The following FBXO11 variants were observed in gnomAD, a reference collection of about 807,000 sequenced individuals.
The protein encoded by FBXO11 is F-box only protein 11.
A neutral mutation model predicts 117.0 loss-of-function variants in FBXO11; 13 were observed. That is an observed-to-expected ratio of 0.11 (90% confidence interval 0.07 to 0.18). The LOEUF is 0.18. FBXO11 is among the 10% of genes least tolerant of loss of function. The pLI, the probability that FBXO11 is intolerant of heterozygous loss-of-function variation, is 1.00. For missense variants in FBXO11, 767 were observed against 1,164.4 expected, an observed-to-expected ratio of 0.66 and a Z score of 4.97; for synonymous variants, 490 against 380.5, an observed-to-expected ratio of 1.29 and a Z score of -3.35.
chr2:47,905,547 CGGA>C lies in FBXO11; in HGVS notation c.171_173del (p.Pro66del), dbSNP rs1212440450. On this transcript the variant is annotated inframe_deletion, in exon 1 of 23. Coordinates refer to ENST00000403359, the MANE Select transcript of FBXO11 (RefSeq NM_001190274.2). Reference sequence around the variant, plus strand: ...GCGGCGGAGGCGGCGGTGGCGGCGGCGGAGGCTGCTGCTGCTGCTGCTGCTGCG... The same window carrying C: ...GCGGCGGAGGCGGCGGTGGCGGCGGCGGCTGCTGCTGCTGCTGCTGCTGCG... The C allele has an allele frequency of 8.1e-7, 1 of 1,241,842 alleles. No individual in the cohort carries two copies. 76.9% of individuals were successfully genotyped at this position (1,241,842 alleles called of 1,614,324 possible). A position where few individuals can be genotyped will look rare whatever the true frequency, so the allele number is the denominator to read the frequency against.
At chr2:47,879,602 T>C (rs1262015845) in intron 1 of FBXO11, among the ~76,000 whole-genome samples, 1 of 152,226 alleles carries the variant, frequency 6.6e-6, no homozygotes, top group East Asian at 1.9e-4. Context: ...AAGATCTTTT[T>C]GTTATCAAGT....
At chr2:47,810,154 C>A in intron 19 of FBXO11, 162 bp downstream of exon 19, 1 of 560,356 alleles carries the variant, frequency 1.8e-6, no homozygotes. Context: ...TAGAAGAATC[C>A]AGAACTTGAT....
intron 1 of FBXO11, among the ~76,000 whole-genome samples, chr2:47,876,226 T>A (rs1351188586): frequency 6.6e-6 from 1 of 152,210 alleles, no homozygotes; most frequent in Non-Finnish European, 1.5e-5. Context: ...GCAAGAATAG[T>A]AGCATTCCTG....
rs903446296 is a variant in FBXO11 at position 47,807,072 on chromosome 2, A to C, written c.*1046T>G. The C allele has an allele frequency of 9.0e-6, 5 of 557,762 alleles. No individual in the cohort carries two copies. Among genetic ancestry groups the C allele is most frequent in the African/African-American group, 1.9e-5 (1 of 53,004 alleles). 34.6% of individuals were successfully genotyped at this position (557,762 alleles called of 1,614,324 possible). A position where few individuals can be genotyped will look rare whatever the true frequency, so the allele number is the denominator to read the frequency against. On this transcript the variant is annotated 3_prime_UTR_variant, in exon 23 of 23. Transcript: ENST00000403359. ...TCTAGATGTTATGGTACATGCATAC[A>C]CTTTCAGGCTGTTTTATACCCACTG...
At chr2:47,880,039 A>T (rs948230842) in intron 1 of FBXO11, among the ~76,000 whole-genome samples, 3 of 151,588 alleles carry the variant, frequency 2.0e-5, no homozygotes, top group African/African-American at 7.3e-5. Context: ...TCTGTCACCC[A>T]GGTTGGAGTG....
In FBXO11 at chr2:47,834,600, G is replaced by A. The variant is rs1672419815; in HGVS notation, c.913C>T (p.Pro305Ser). 1 of 1,581,858 alleles carries A rather than the reference G, an allele frequency of 6.3e-7. No homozygotes were observed. Among genetic ancestry groups the A allele is most frequent in the Admixed American group, 1.9e-5 (1 of 51,712 alleles). ...ATACCTGCACCAATCATGGTGATTG[G>A]AGATTCAATATATATCCATTCATCA... ...YTDEWIYIES[P>S]ITMIGAAPGK... Residue 305 changes from proline to serine, a missense_variant, in exon 7 of 23, where the codon CCA (proline) becomes TCA (serine). Pro to Ser is a moderately conservative substitution (Grantham distance 74). This residue lies in a region of FBXO11 where 123 missense variants were observed against 145.0 expected (regional missense o/e 0.85). Transcript: ENST00000403359.
At chr2:47,838,822 CA>C (rs1672794930) in intron 4 of FBXO11, 36 bp downstream of exon 4, 1 of 1,584,586 alleles carries the variant, frequency 6.3e-7, no homozygotes, top group Non-Finnish European at 8.6e-7. Context: ...CAACAAATAA[CA>C]TATCTCAAGT....
At position 47,852,891 on chromosome 2, in the gene FBXO11, G is replaced by A. The variant is rs754572453; in HGVS notation, c.233-13122C>T. Among the ~76,000 whole-genome samples the A allele has an allele frequency of 8.5e-5, 13 of 152,236 alleles. No homozygotes were observed. In the East Asian group the frequency reaches 2.3e-3, roughly 27 times the overall value. On this transcript the variant is annotated intron_variant, in intron 1 of 22. Transcript: ENST00000403359. The stretch of plus-strand genomic sequence containing the variant: ...TAGGCAACTCACACTAGGTCACACA[G>A]TATTAAGCAGCAGAGGCAGAATTTT...
In FBXO11 at chr2:47,835,944, A is replaced by G; in HGVS notation, c.645T>C (p.Pro215=). ...EYTRPMMHPE[P]GKFYQINPEE... ...CTGGATTAATCTGGTAGAATTTTCC[A>G]GGTTCAGGATGCATCATAGGGCGAG... The change falls in exon 5 of 23, where the codon CCT becomes CCC. Residue 215 remains proline, a synonymous_variant. Transcript: ENST00000403359. 1.2e-6 allele frequency: 2 copies of G among 1,611,966 alleles called. No homozygotes were observed. The highest frequency in any genetic ancestry group is 1.7e-6 in the Non-Finnish European group (2 of 1,178,220).
chr2:47,864,270 C>T (rs1340718197), intron 1 of FBXO11, among the ~76,000 whole-genome samples: 1 of 152,102 alleles, frequency 6.6e-6, no homozygotes, highest in East Asian at 1.9e-4. Flanking sequence ...GAGACAGAAA[C>T]TACCTTTGAA....
At chr2:47,857,577 T>TG (rs926129693) in intron 1 of FBXO11, among the ~76,000 whole-genome samples, 2 of 152,010 alleles carry the variant, frequency 1.3e-5, no homozygotes, top group South Asian at 2.1e-4. Context: ...AAAATAATCA[T>TG]GGGGGGTAGA....
At chr2:47,885,696 G>C (rs946709978) in intron 1 of FBXO11, among the ~76,000 whole-genome samples, 1 of 152,172 alleles carries the variant, frequency 6.6e-6, no homozygotes, top group African/African-American at 2.4e-5. Flanking sequence ...GTAGAGTAAA[G>C]CCTTGAAGAG....
intron 1 of FBXO11, among the ~76,000 whole-genome samples, chr2:47,859,964 T>G (rs1674624957): frequency 6.6e-6 from 1 of 152,032 alleles, no homozygotes; most frequent in South Asian, 2.1e-4. Context: ...TTTTCCCCCC[T>G]TTCTTGCTGT....
At chr2:47,846,243 A>T (rs887262181) in intron 1 of FBXO11, among the ~76,000 whole-genome samples, 5 of 152,100 alleles carry the variant, frequency 3.3e-5, no homozygotes, top group African/African-American at 1.2e-4. Context: ...CCAGGCGGGC[A>T]GATCATCTGA....
chr2:47,874,034 G>A lies in FBXO11; in HGVS notation c.232+31455C>T, dbSNP rs542269671. ...TTGAGACCAGCCTGGCCAACATAGT[G>A]AAACCCCGTCTCTACTAAAAAGACA... On this transcript the variant is annotated intron_variant, in intron 1 of 22. Coordinates refer to ENST00000403359, the MANE Select transcript of FBXO11 (RefSeq NM_001190274.2). Among the ~76,000 whole-genome samples the A allele has an allele frequency of 3.9e-4, 59 of 152,126 alleles. 1 individual carries two copies. Among genetic ancestry groups the A allele is most frequent in the African/African-American group, 1.4e-3 (57 of 41,516 alleles).
chr2:47,853,792 G>C (rs1307235548), intron 1 of FBXO11, among the ~76,000 whole-genome samples: 1 of 152,186 alleles, frequency 6.6e-6, no homozygotes, highest in Non-Finnish European at 1.5e-5. Flanking sequence ...ATGGGATACT[G>C]AAAGTTACCA....
intron 1 of FBXO11, among the ~76,000 whole-genome samples, chr2:47,890,210 T>G (rs1271655597): frequency 6.6e-6 from 1 of 152,132 alleles, no homozygotes; most frequent in East Asian, 1.9e-4. Context: ...TAAAGGATCC[T>G]CTCACCTCAT....
chr2:47,821,875 T>C (rs892928302), intron 13 of FBXO11, among the ~76,000 whole-genome samples: 1 of 152,162 alleles, frequency 6.6e-6, no homozygotes. Flanking sequence ...GAAGATCACC[T>C]GAGGCCAGGA....
rs560763925 is a variant in FBXO11 at position 47,820,228 on chromosome 2, G to T, written c.1797+134C>A. 1.0e-5 allele frequency: 5 copies of T among 476,410 alleles called. No individual in the cohort carries two copies. The South Asian group carries it at 3.0e-4, about 28-fold the overall frequency. The allele number at this position is 476,410 out of a possible 1,614,324, so 29.5% of individuals were successfully genotyped here. ...CAGGGAGAAGAAGAACGTTATTTTT[G>T]TCTAACTATTAAAGACAGTCACAAA... On this transcript the variant is annotated intron_variant, in intron 14 of 22. Transcript: ENST00000403359.
Sources: allele counts gnomAD v4.1 joint callset (sites outside exome capture counted in the v4.1 genomes callset), GRCh38; gene constraint gnomAD v4.1.1; regional missense constraint gnomAD v4.1.1; transcripts MANE v1.5; gene names NCBI Gene and HGNC (gene_info 2026-07-23, HGNC 2026-07-21).